The following ADGRG5 variants were observed in gnomAD, a reference collection of about 807,000 sequenced individuals.
ADGRG5 encodes the protein G protein-coupled receptor 114.
ADGRG5 carries 37 observed loss-of-function variants against 53.2 expected under a neutral mutation model. The observed-to-expected ratio is 0.70, with a 90% CI of 0.53 to 0.91. The LOEUF (loss-of-function observed/expected upper bound fraction) is 0.91. Among genes scored for constraint, ADGRG5 ranks in the 40% least tolerant of loss-of-function variants. The pLI, the probability that ADGRG5 is intolerant of heterozygous loss-of-function variation, is 0.00. For missense variants in ADGRG5, 614 were observed against 675.8 expected (o/e 0.91, Z 1.01); for synonymous variants, 277 against 290.4 (o/e 0.95, Z 0.47).
chr16:57,565,932 C>G (rs1450299252), intron 6 of ADGRG5: 1 of 152,320 alleles, frequency 6.6e-6, no homozygotes, highest in African/African-American at 2.4e-5. Context: ...TTCACCAGGA[C>G]TGCCCTGCAC....
the ADGRG5 span, among the ~76,000 whole-genome samples, chr16:57,536,235 G>C: frequency 6.7e-6 from 1 of 149,820 alleles, no homozygotes; most frequent in African/African-American, 2.4e-5. Context: ...CCCGGGCCGC[G>C]GCATTCCGGA....
chr16:57,563,313 G>T (rs1298080154), intron 4 of ADGRG5, 66 bp downstream of exon 4: 1 of 1,415,272 alleles, frequency 7.1e-7, no homozygotes, highest in Admixed American at 1.7e-5. Flanking sequence ...AGGCATTTAA[G>T]GTCTGGACTT....
chr16:57,554,579 T>C (rs560807295), intron 1 of ADGRG5, among the ~76,000 whole-genome samples: 12 of 152,164 alleles, frequency 7.9e-5, no homozygotes, highest in African/African-American at 1.7e-4. Context: ...GGTTTCACCG[T>C]GTTAGCCAGG....
intron 1 of ADGRG5, among the ~76,000 whole-genome samples, chr16:57,557,889 A>G (rs1369312477): frequency 6.6e-6 from 1 of 152,124 alleles, no homozygotes; most frequent in Non-Finnish European, 1.5e-5. Context: ...CTTTTCCACT[A>G]CACCCTTTAA....
chr16:57,567,482 GC>G lies in ADGRG5; in HGVS notation c.715del (p.Leu239TrpfsTer26). The G allele has an allele frequency of 6.2e-7, 1 of 1,609,270 alleles. No individual in the cohort carries two copies. On this transcript the variant is annotated frameshift_variant, in exon 8 of 12. Transcript: ENST00000349457. LOFTEE classifies it high-confidence loss of function. The stretch of plus-strand genomic sequence containing the variant: ...TTCCCTCCTGCAGCAACTCTCCCCA[GC>G]CCTGGTCCCTGCAGAGTTGCTGGCA... ...YFAVLMQLSP[A>X]LVPAELLAPL...
chr16:57,564,666 G>A (rs575400045), intron 5 of ADGRG5, among the ~76,000 whole-genome samples: 14 of 152,308 alleles, frequency 9.2e-5, no homozygotes, highest in Admixed American at 6.5e-4. Flanking sequence ...AGTGATGGAT[G>A]AGTCAGGGTG....
upstream of ADGRG5, among the ~76,000 whole-genome samples, chr16:57,539,593 C>A (rs2032460461): frequency 1.3e-5 from 2 of 151,116 alleles, no homozygotes; most frequent in Non-Finnish European, 2.9e-5. Flanking sequence ...GGTGGATCTA[C>A]AGGGGCACGT....
intron 9 of ADGRG5, among the ~76,000 whole-genome samples, chr16:57,569,911 A>T (rs566113262): frequency 8.6e-4 from 129 of 149,910 alleles, no homozygotes; most frequent in Middle Eastern, 3.4e-3. Context: ...CTGCACTATC[A>T]CCATCATCAC....
Position 57,566,651 on chromosome 16 carries a change from C to A in ADGRG5, c.599C>A (p.Pro200His). 6.3e-7 allele frequency: 1 copy of A among 1,589,634 alleles called. No homozygotes were observed. Among genetic ancestry groups the A allele is most frequent in the Non-Finnish European group, 8.6e-7 (1 of 1,168,992 alleles). ...TGGAAGGAGGGAGCCAGGAAACAGC[C>A]CTGGGGGGGCTGGAGCCCTGAGGGC... The part of the protein sequence containing the change: ...VFWKEGARKQ[P>H]WGGWSPEGCR... The change falls in exon 7 of 12, where the codon CCC becomes CAC. Residue 200 changes from proline to histidine, a missense_variant. By Grantham distance (77) the Pro-to-His change is moderately conservative (BLOSUM62 -2). Transcript: ENST00000349457.
intron 10 of ADGRG5, among the ~76,000 whole-genome samples, chr16:57,570,803 G>A (rs1042074391): frequency 2.6e-5 from 4 of 152,152 alleles, no homozygotes; most frequent in African/African-American, 9.7e-5. Context: ...CGGGCCTCCC[G>A]CCTCCTCTGT....
At position 57,568,096 on chromosome 16, in the gene ADGRG5, T is replaced by G; in HGVS notation, c.1062T>G (p.Tyr354Ter). ...GRVYNIYIRR[Y>*]VFKLGVLGWG... ...TCTACAACATCTACATCCGCAGATA[T>G]GTGTTCAAGCTTGGTGTGCTAGGCT... The change falls in exon 9 of 12, where the codon TAT (tyrosine) becomes TAG (stop). Residue 354 changes from tyrosine to a stop codon, truncating the protein, a stop_gained. Transcript: ENST00000349457. LOFTEE classifies it high-confidence loss of function. 6.2e-7 allele frequency: 1 copy of G among 1,613,980 alleles called. No homozygotes were observed. The highest frequency in any genetic ancestry group is 1.1e-5 in the South Asian group (1 of 91,082).
intron 1 of ADGRG5, among the ~76,000 whole-genome samples, chr16:57,557,416 C>T (rs1272697699): frequency 6.6e-5 from 10 of 152,144 alleles, no homozygotes; most frequent in African/African-American, 2.2e-4. Flanking sequence ...AGCAGTTTGA[C>T]TAGGATGTAT....
rs2033516333 is a variant in ADGRG5 at position 57,576,371 on chromosome 16, C to T, written c.*833C>T. 1 of 152,190 alleles carries T rather than the reference C, an allele frequency of 6.6e-6. No individual in the cohort carries two copies. Among genetic ancestry groups the T allele is most frequent in the Admixed American group, 6.5e-5 (1 of 15,286 alleles). The allele number at this position is 152,190 out of a possible 1,614,324, so 9.4% of individuals were successfully genotyped here. A position where few individuals can be genotyped will look rare whatever the true frequency, so the allele number is the denominator to read the frequency against. On this transcript the variant is annotated 3_prime_UTR_variant, in exon 12 of 12. Transcript: ENST00000349457. ...AGGAAAACGCTTCTTTCTCCTCCAG[C>T]TGAATCAGCTGGATCCCAGTGTCCT...
chr16:57,543,386 G>A (rs1280813505), intron 1 of ADGRG5, among the ~76,000 whole-genome samples: 4 of 145,220 alleles, frequency 2.8e-5, no homozygotes, highest in African/African-American at 1.0e-4. Flanking sequence ...AGGTTCAAGC[G>A]ATTCTCCTGC....
At chr16:57,550,805 G>A (rs1265564971) in intron 1 of ADGRG5, among the ~76,000 whole-genome samples, 1 of 152,010 alleles carries the variant, frequency 6.6e-6, no homozygotes, top group African/African-American at 2.4e-5. Flanking sequence ...CGAGGCGGGC[G>A]GATCATGAGG....
chr16:57,544,586 T>C (rs1292229475), intron 1 of ADGRG5, among the ~76,000 whole-genome samples: 6 of 152,142 alleles, frequency 3.9e-5, no homozygotes, highest in South Asian at 2.1e-4. Context: ...AAGAGCCTGG[T>C]CTTACACCTT....
chr16:57,557,460 G>C (rs1009122659), intron 1 of ADGRG5, among the ~76,000 whole-genome samples: 1 of 151,950 alleles, frequency 6.6e-6, no homozygotes, highest in Non-Finnish European at 1.5e-5. Context: ...TATTCCATTG[G>C]GTTTTGCAGA....
chr16:57,567,777 G>A, intron 8 of ADGRG5, 79 bp from the exon 9 acceptor site: 1 of 1,506,734 alleles, frequency 6.6e-7, no homozygotes, highest in Non-Finnish European at 8.9e-7. Context: ...TTCCCTGTCG[G>A]CATGCACCTA....
Position 57,570,433 on chromosome 16 carries a change from T to G in ADGRG5, c.1106T>G (p.Leu369Arg), listed in dbSNP as rs1168789438. The change falls in exon 10 of 12, where the codon CTG (leucine) becomes CGG (arginine). Residue 369 changes from leucine to arginine, a missense_variant. Physicochemically the swap from Leu to Arg is moderately radical, Grantham distance 102. Coordinates refer to ENST00000349457, the MANE Select transcript of ADGRG5 (RefSeq NM_001304376.3). ...CACCCCTCAGGGGCCCCAGCCCTCC[T>G]GGTGCTGCTTTCCCTCTCTGTCAAG... is the stretch of plus-strand genomic sequence containing the variant. ...GVLGWGAPAL[L>R]VLLSLSVKSS... The G allele has an allele frequency of 3.1e-6, 5 of 1,612,548 alleles. No individual in the cohort carries two copies. The highest frequency in any genetic ancestry group is 4.2e-6 in the Non-Finnish European group (5 of 1,179,814).
Sources: gnomAD v4.1 joint callset for allele counts (sites outside exome capture counted in the v4.1 genomes callset) on GRCh38, gnomAD v4.1.1 for gene constraint, MANE v1.5 for transcripts, NCBI Gene and HGNC (gene_info 2026-07-23, HGNC 2026-07-21) for gene names.